The following LIMCH1 variants were observed in gnomAD, a reference collection of about 807,000 sequenced individuals.
LIMCH1 encodes the protein LIM and calponin homology domains 1.
A neutral mutation model predicts 176.5 loss-of-function variants in LIMCH1; 113 were observed. The ratio of observed to expected loss-of-function variants is 0.64; its 90% CI spans 0.55 to 0.75. LIMCH1 has a LOEUF of 0.75. LIMCH1 is among the 30% of genes least tolerant of loss of function. The pLI, the probability that LIMCH1 is intolerant of heterozygous loss-of-function variation, is 0.00. For missense variants in LIMCH1, 1,674 were observed against 1,814.9 expected, an observed-to-expected ratio of 0.92 and a Z score of 1.41; for synonymous variants, 619 against 645.9, an observed-to-expected ratio of 0.96 and a Z score of 0.63.
intron 18 of LIMCH1, among the ~76,000 whole-genome samples, chr4:41,653,372 A>G (rs6447101): frequency 0.46 from 69,926 of 151,340 alleles, 17,065 homozygotes; most frequent in Middle Eastern, 0.56. Flanking sequence ...GGTCATGGCA[A>G]AATATGGTGA....
At position 41,698,979 on chromosome 4, in the gene LIMCH1, TA is replaced by T. The variant is rs1184612230; in HGVS notation, c.*1799del. 6.6e-6 allele frequency: 1 copy of T among 151,666 alleles called. No individual in the cohort carries two copies. The highest frequency in any genetic ancestry group is 1.9e-4 in the East Asian group (1 of 5,172). The allele number at this position is 151,666 out of a possible 1,614,324, so 9.4% of individuals were successfully genotyped here. A position where few individuals can be genotyped will look rare whatever the true frequency, so the allele number is the denominator to read the frequency against. On this transcript the variant is annotated 3_prime_UTR_variant, in exon 32 of 32. Transcript: ENST00000503057. ...GTGTTTGCTGTTTTACAGGAAAAAA[TA>T]AAAATAAAAAAAGAAAAAAAGAAAA...
At chr4:41,696,386 G>T (rs1484523616) in intron 31 of LIMCH1, among the ~76,000 whole-genome samples, 1 of 152,224 alleles carries the variant, frequency 6.6e-6, no homozygotes, top group East Asian at 1.9e-4. Context: ...TGTTGCAATT[G>T]CCTCATCACA....
At chr4:41,581,060 AC>A (rs1264278354) in intron 1 of LIMCH1, among the ~76,000 whole-genome samples, 2 of 152,156 alleles carry the variant, frequency 1.3e-5, no homozygotes, top group African/African-American at 4.8e-5. Context: ...TACAGAGATA[AC>A]CTTTAAAGAA....
intron 1 of LIMCH1, among the ~76,000 whole-genome samples, chr4:41,594,678 C>G (rs2088378994): frequency 6.6e-6 from 1 of 152,178 alleles, no homozygotes; most frequent in Non-Finnish European, 1.5e-5. Context: ...GGAAACAGAC[C>G]TGCAGTTATT....
At chr4:41,425,439 C>T (rs902873701) in intron 1 of LIMCH1, among the ~76,000 whole-genome samples, 7 of 152,184 alleles carry the variant, frequency 4.6e-5, no homozygotes, top group African/African-American at 1.4e-4. Context: ...CCCCGCCTCC[C>T]GGGTTCAAGC....
chr4:41,529,548 G>A (rs1246866236), intron 3 of LIMCH1, among the ~76,000 whole-genome samples: 1 of 152,142 alleles, frequency 6.6e-6, no homozygotes, highest in South Asian at 2.1e-4. Context: ...TTGCAGATGA[G>A]GACATGTGGG....
At chr4:41,672,480 T>C (rs2095080681) in intron 22 of LIMCH1, among the ~76,000 whole-genome samples, 1 of 152,216 alleles carries the variant, frequency 6.6e-6, no homozygotes, top group South Asian at 2.1e-4. Context: ...AGGATAATAC[T>C]TGAACATAGT....
At chr4:41,494,240 T>A (rs559169405) in intron 1 of LIMCH1, among the ~76,000 whole-genome samples, 1 of 151,512 alleles carries the variant, frequency 6.6e-6, no homozygotes, top group African/African-American at 2.4e-5. Context: ...CTAACAGATT[T>A]TCCCCATTCT....
intron 1 of LIMCH1, among the ~76,000 whole-genome samples, chr4:41,481,535 T>G (rs889266572): frequency 6.6e-6 from 1 of 152,176 alleles, no homozygotes; most frequent in Non-Finnish European, 1.5e-5. Context: ...CCCTGGATGC[T>G]GTGTGGGAGG....
chr4:41,690,246 C>T (rs952434853), intron 30 of LIMCH1, among the ~76,000 whole-genome samples: 1 of 152,158 alleles, frequency 6.6e-6, no homozygotes, highest in Non-Finnish European at 1.5e-5. Context: ...TAATAAACTC[C>T]GTAAGGGCAG....
chr4:41,507,622 TG>T (rs2074344820), intron 2 of LIMCH1, among the ~76,000 whole-genome samples: 1 of 152,320 alleles, frequency 6.6e-6, no homozygotes, highest in Admixed American at 6.5e-5. Flanking sequence ...GACCAAAATA[TG>T]GATTTCTTAA....
upstream of LIMCH1, among the ~76,000 whole-genome samples, chr4:41,536,885 A>G (rs540446181): frequency 6.6e-6 from 1 of 152,350 alleles, no homozygotes; most frequent in South Asian, 2.1e-4. Context: ...TAAAACATGG[A>G]TTTAGTTAAT....
At chr4:41,408,435 A>C (rs1290939687) in intron 1 of LIMCH1, among the ~76,000 whole-genome samples, 1 of 152,208 alleles carries the variant, frequency 6.6e-6, no homozygotes, top group Non-Finnish European at 1.5e-5. Flanking sequence ...AGAAGCTGCA[A>C]AACTCTTACT....
rs374330346 is a variant in LIMCH1, at chr4:41,676,451, C to T, written c.3508C>T (p.Arg1170Cys). 7 of 1,613,526 alleles carry T rather than the reference C, an allele frequency of 4.3e-6. No homozygotes were observed. Among genetic ancestry groups the T allele is most frequent in the Middle Eastern group, 1.6e-4 (1 of 6,080 alleles). Residue 1170 changes from arginine (R) to cysteine (C), a missense_variant, in exon 23 of 32, where the codon CGT becomes TGT. Around this residue, in one of 3 missense-constraint regions of LIMCH1, gnomAD observed 1,015 missense variants for 1,102.5 expected, o/e 0.92. Transcript: ENST00000503057. ...RQEKWQQEQE[R>C]LLQERYQKEQ... ...GGAAAAATGGCAACAGGAACAGGAA[C>T]GTTTGCTCCAGGTAGGATGGAGTTT...
At chr4:41,557,550 G>GTA (rs971022329) in intron 1 of LIMCH1, among the ~76,000 whole-genome samples, 2 of 151,062 alleles carry the variant, frequency 1.3e-5, no homozygotes, top group African/African-American at 4.9e-5. Flanking sequence ...TTGCCTCTGT[G>GTA]TGTGTGTGTG....
At chr4:41,448,461 T>C (rs2063502031) in intron 1 of LIMCH1, among the ~76,000 whole-genome samples, 1 of 152,188 alleles carries the variant, frequency 6.6e-6, no homozygotes, top group Non-Finnish European at 1.5e-5. Context: ...TTTATCACAG[T>C]GCTCTCTCCT....
intron 1 of LIMCH1, among the ~76,000 whole-genome samples, chr4:41,578,477 T>C (rs1324973620): frequency 6.6e-6 from 1 of 152,166 alleles, no homozygotes; most frequent in Non-Finnish European, 1.5e-5. Context: ...TTCTAAAATA[T>C]AGTATAGAAC....
At chr4:41,390,904 C>T (rs2057157868) in intron 1 of LIMCH1, among the ~76,000 whole-genome samples, 1 of 152,222 alleles carries the variant, frequency 6.6e-6, no homozygotes, top group Non-Finnish European at 1.5e-5. Flanking sequence ...CAGATGGCCA[C>T]ACCTAGCTCT....
At chr4:41,594,587 GCTGGGTGGC>G (rs1428420743) in intron 1 of LIMCH1, among the ~76,000 whole-genome samples, 1 of 152,188 alleles carries the variant, frequency 6.6e-6, no homozygotes, top group Non-Finnish European at 1.5e-5. Flanking sequence ...CTAGCTCTTG[GCTGGGTGGC>G]TCTTCCTTCT....
Sources: gnomAD v4.1 joint callset for allele counts (sites outside exome capture counted in the v4.1 genomes callset) on GRCh38, gnomAD v4.1.1 for gene constraint, gnomAD v4.1.1 regional missense constraint, MANE v1.5 for transcripts, NCBI Gene and HGNC (gene_info 2026-07-23, HGNC 2026-07-21) for gene names.